Variants in CELSR1 observed in about 807,000 individuals in gnomAD.
CELSR1 encodes cadherin EGF LAG seven-pass G-type receptor 1.
In CELSR1, 110 loss-of-function variants were observed where a neutral mutation model predicts 249.1. The ratio of observed to expected loss-of-function variants is 0.44; its 90% CI spans 0.38 to 0.52. CELSR1 has a LOEUF of 0.52. Among genes scored for constraint, CELSR1 ranks in the 20% least tolerant of loss-of-function variants. The pLI is 0.00. For synonymous variants in CELSR1, 2,113 were observed against 1,900.0 expected (o/e 1.11, Z -2.92); for missense variants, 4,109 against 4,296.4 (o/e 0.96, Z 1.22).
Position 46,381,061 on chromosome 22 carries a change from A to T in CELSR1, c.7089-106T>A, listed in dbSNP as rs2078973080. ...ACACGCCATGATGTGTTTCTAGGGG[A>T]GACAGAATCACACTCCGAGAGCTCG... On this transcript the variant is annotated intron_variant, in intron 21 of 34. Transcript: ENST00000674500. This position sits in a 1 kb window ranked among gnomAD's most constrained non-coding sequence, Gnocchi z 6.0. 1.6e-6 allele frequency: 2 copies of T among 1,217,466 alleles called. No individual in the cohort carries two copies. Among genetic ancestry groups the T allele is most frequent in the Admixed American group, 2.2e-5 (1 of 45,248 alleles). The allele number at this position is 1,217,466 out of a possible 1,614,324, so 75.4% of individuals were successfully genotyped here. A position where few individuals can be genotyped will look rare whatever the true frequency, so the allele number is the denominator to read the frequency against.
rs778628074 is a variant in CELSR1, at chr22:46,427,874, T to C, written c.4611+5519A>G. On this transcript the variant is annotated intron_variant, in intron 5 of 34. Transcript: ENST00000674500. This position sits in a 1 kb window ranked among gnomAD's most constrained non-coding sequence, Gnocchi z 4.2. ...AGGGTCCCATCAAAAAACCTCACCCTGACCCAAGTGTCTGGGTGGAAGTCC... is the reference window on the plus strand; with the variant it reads ...AGGGTCCCATCAAAAAACCTCACCCCGACCCAAGTGTCTGGGTGGAAGTCC... Among the ~76,000 whole-genome samples, 2 of 152,140 alleles carry C rather than the reference T, an allele frequency of 1.3e-5. No individual in the cohort carries two copies. The highest frequency in any genetic ancestry group is 2.9e-5 in the Non-Finnish European group (2 of 68,026).
Position 46,484,111 on chromosome 22 carries a change from C to A in CELSR1, c.3545-19766G>T, listed in dbSNP as rs560200077. Among the ~76,000 whole-genome samples the A allele has an allele frequency of 3.9e-5, 6 of 152,200 alleles. No individual in the cohort carries two copies. The highest frequency in any genetic ancestry group is 3.9e-4 in the Admixed American group (6 of 15,276). Reference sequence around the variant, plus strand: ...TCTCAGACTCACCTGTAGGGAGGAGCGCCCCAGGCCTTCCGCCCAGAAATC... The same window carrying A: ...TCTCAGACTCACCTGTAGGGAGGAGAGCCCCAGGCCTTCCGCCCAGAAATC... On this transcript the variant is annotated intron_variant, in intron 1 of 34. Coordinates refer to ENST00000674500, the MANE Select transcript of CELSR1 (RefSeq NM_001378328.1). This position sits in a 1 kb window ranked among gnomAD's most constrained non-coding sequence, Gnocchi z 4.5.
Position 46,367,719 on chromosome 22 carries a change from C to T in CELSR1, c.8079+10G>A, listed in dbSNP as rs752733712. On this transcript the variant is annotated intron_variant, in intron 28 of 34. Coordinates refer to ENST00000674500, the MANE Select transcript of CELSR1 (RefSeq NM_001378328.1). Reference sequence around the variant, plus strand: ...GCAGGGGTCCCGCGGGCAACTCGGCCGTCACCTACCTGTAAGCCGCTGAAG... The same window carrying T: ...GCAGGGGTCCCGCGGGCAACTCGGCTGTCACCTACCTGTAAGCCGCTGAAG... The T allele has an allele frequency of 3.5e-5, 56 of 1,589,656 alleles. No homozygotes were observed. The highest frequency in any genetic ancestry group is 8.0e-5 in the African/African-American group (6 of 74,840).
At chr22:46,461,754 G>A (rs952172300) in intron 2 of CELSR1, among the ~76,000 whole-genome samples, 13 of 152,308 alleles carry the variant, frequency 8.5e-5, no homozygotes, top group Middle Eastern at 3.4e-3. Context: ...TCTTGGGAGC[G>A]TAACAGGCCC....
At chr22:46,489,679 G>A (rs943972150) in intron 1 of CELSR1, among the ~76,000 whole-genome samples, 14 of 152,046 alleles carry the variant, frequency 9.2e-5, no homozygotes, top group East Asian at 1.9e-4. Context: ...TTGGGAGGCC[G>A]AGACAGGTGG....
At chr22:46,528,928 CAAAATAAAATAAAATAAAAT>C (rs139450136) in intron 1 of CELSR1, among the ~76,000 whole-genome samples, 1 of 137,946 alleles carries the variant, frequency 7.2e-6, no homozygotes, top group Non-Finnish European at 1.5e-5. Context: ...GACTCTGTCT[CAAAATAAAATAAAATAAAAT>C]AAAATAAAAT....
At position 46,507,917 on chromosome 22, in the gene CELSR1, C is replaced by T. The variant is rs1207445209; in HGVS notation, c.3544+25710G>A. Among the ~76,000 whole-genome samples the T allele has an allele frequency of 3.9e-5, 6 of 152,324 alleles. No homozygotes were observed. The East Asian group carries it at 1.2e-3, about 29-fold the overall frequency. On this transcript the variant is annotated intron_variant, in intron 1 of 34. Transcript: ENST00000674500. ...CTACCTCCTCACACCCCCCTACCTC[C>T]CACCTCAGCCGTCCTGTGCCGTGGC...
chr22:46,481,784 CTTTT>C, intron 1 of CELSR1: 8 of 278,524 alleles, frequency 2.9e-5, no homozygotes, highest in Non-Finnish European at 4.2e-5. Context: ...TTTTCTAAAT[CTTTT>C]TTTTTTTTTT....
chr22:46,457,999 G>A (rs980245107), intron 2 of CELSR1, among the ~76,000 whole-genome samples: 3 of 152,232 alleles, frequency 2.0e-5, no homozygotes, highest in East Asian at 3.9e-4. Flanking sequence ...CTGCAGACCC[G>A]CGGGCATGTT....
chr22:46,404,991 A>G (rs1266181244), intron 9 of CELSR1, among the ~76,000 whole-genome samples: 1 of 150,748 alleles, frequency 6.6e-6, no homozygotes, highest in Non-Finnish European at 1.5e-5. Context: ...CACCCAGCTA[A>G]TTTTTGTATT....
intron 32 of CELSR1, 131 bp from the exon 33 acceptor site, chr22:46,364,867 G>T (rs1431162543): frequency 7.3e-6 from 7 of 963,090 alleles, no homozygotes; most frequent in Non-Finnish European, 9.0e-6. Context: ...AACCCTAAAG[G>T]TGGGGAAACT....
Position 46,390,555 on chromosome 22 carries a change from C to A in CELSR1, c.6251-69G>T. The A allele has an allele frequency of 1.6e-6, 2 of 1,272,372 alleles. No individual in the cohort carries two copies. The highest frequency in any genetic ancestry group is 2.3e-6 in the Non-Finnish European group (2 of 887,050). 78.8% of individuals were successfully genotyped at this position (1,272,372 alleles called of 1,614,324 possible). A position where few individuals can be genotyped will look rare whatever the true frequency, so the allele number is the denominator to read the frequency against. ...TTGATCAATGCTTGTGTATTTCAAT[C>A]CACAATCTGAATATACTTAAACCCA... On this transcript the variant is annotated intron_variant, in intron 16 of 34. Transcript: ENST00000674500. This position sits in a 1 kb window ranked among gnomAD's most constrained non-coding sequence, Gnocchi z 6.3.
intron 2 of CELSR1, among the ~76,000 whole-genome samples, chr22:46,459,583 G>A (rs5768780): frequency 1.3e-5 from 2 of 152,234 alleles, no homozygotes; most frequent in Non-Finnish European, 2.9e-5. Context: ...CACAGTGCCA[G>A]CAGGGTCCTT....
chr22:46,504,577 G>C (rs937813797), intron 1 of CELSR1, among the ~76,000 whole-genome samples: 1 of 149,612 alleles, frequency 6.7e-6, no homozygotes, highest in Non-Finnish European at 1.5e-5. Flanking sequence ...TCCCCAAAGA[G>C]ACATGCAAAT....
Position 46,536,915 on chromosome 22 carries a change from G to C in CELSR1, c.256C>G (p.Leu86Val), listed in dbSNP as rs1317411797. 1 of 1,185,978 alleles carries C rather than the reference G, an allele frequency of 8.4e-7. No homozygotes were observed. Among genetic ancestry groups the C allele is most frequent in the Admixed American group, 4.4e-5 (1 of 22,510 alleles). The allele number at this position is 1,185,978 out of a possible 1,614,324, so 73.5% of individuals were successfully genotyped here. Residue 86 changes from leucine to valine, a missense_variant, in exon 1 of 35, where the codon CTG (leucine) becomes GTG (valine). Around this residue, in one of 7 missense-constraint regions of CELSR1, gnomAD observed 673 missense variants for 636.8 expected, o/e 1.06. Coordinates refer to ENST00000674500, the MANE Select transcript of CELSR1 (RefSeq NM_001378328.1). ...RRRVSGAGRPLPLQVRLVARS... is the reference protein window; with the variant it reads ...RRRVSGAGRPVPLQVRLVARS... Reference sequence around the variant, plus strand: ...GCCACCAAGCGGACTTGCAGCGGCAGCGGGCGCCCCGCGCCCGAGACGCGC... The same window carrying C: ...GCCACCAAGCGGACTTGCAGCGGCACCGGGCGCCCCGCGCCCGAGACGCGC...
In CELSR1 at chr22:46,434,592, T is replaced by A. The variant is rs1431297184; in HGVS notation, c.4523-1111A>T. Among the ~76,000 whole-genome samples, 1 of 152,222 alleles carries A rather than the reference T, an allele frequency of 6.6e-6. No homozygotes were observed. Among genetic ancestry groups the A allele is most frequent in the Non-Finnish European group, 1.5e-5 (1 of 68,036 alleles). ...GAAAACAAAGCTCCATCCTCCACCA[T>A]CACACACATGTCATTCAACACGGGC... On this transcript the variant is annotated intron_variant, in intron 4 of 34. Transcript: ENST00000674500. The surrounding 1 kb of genome is among the most constrained non-coding windows in gnomAD (Gnocchi z 4.9).
chr22:46,456,234 G>A (rs1489251146), intron 2 of CELSR1, among the ~76,000 whole-genome samples: 1 of 152,228 alleles, frequency 6.6e-6, no homozygotes, highest in Admixed American at 6.5e-5. Context: ...CTAAGCAGAC[G>A]TCACTCCGCA....
chr22:46,375,100 C>T (rs1269372759), intron 24 of CELSR1, among the ~76,000 whole-genome samples: 3 of 152,294 alleles, frequency 2.0e-5, no homozygotes, highest in South Asian at 4.1e-4. Context: ...CTGGTCCCAC[C>T]GCTTGCCGTA....
chr22:46,516,509 A>T (rs2080629879), intron 1 of CELSR1, among the ~76,000 whole-genome samples: 1 of 151,744 alleles, frequency 6.6e-6, no homozygotes, highest in African/African-American at 2.4e-5. Context: ...GGGTTTTTTA[A>T]AATTTTTTTT....
Sources: gnomAD v4.1 joint callset for allele counts (sites outside exome capture counted in the v4.1 genomes callset) on GRCh38, gnomAD v4.1.1 for gene constraint, gnomAD v4.1.1 regional missense constraint, Gnocchi (gnomAD v3.1) non-coding constraint, MANE v1.5 for transcripts, NCBI Gene and HGNC (gene_info 2026-07-23, HGNC 2026-07-21) for gene names.